Variants in NOX4 observed in about 807,000 individuals in gnomAD.
NOX4 encodes NADPH oxidase 4, also known as kidney oxidase-1.
NOX4 carries 69 observed loss-of-function variants against 87.6 expected under a neutral mutation model. That is an observed-to-expected ratio of 0.79 (90% CI 0.65 to 0.96). The LOEUF is 0.96. Among genes scored for constraint, NOX4 ranks in the 40% least tolerant of loss-of-function variants. The pLI is 0.00. For missense variants in NOX4, 680 were observed against 681.5 expected, an observed-to-expected ratio of 1.00 and a Z score of 0.02; for synonymous variants, 275 against 238.2, an observed-to-expected ratio of 1.15 and a Z score of -1.42.
chr11:89,379,234 A>T (rs958409028), intron 11 of NOX4, among the ~76,000 whole-genome samples: 1 of 152,172 alleles, frequency 6.6e-6, no homozygotes, highest in Non-Finnish European at 1.5e-5. Flanking sequence ...GGAACTGACT[A>T]AACAAAACAT....
intron 13 of NOX4, among the ~76,000 whole-genome samples, chr11:89,346,950 T>C (rs1171862813): frequency 6.6e-6 from 1 of 152,214 alleles, no homozygotes; most frequent in African/African-American, 2.4e-5. Flanking sequence ...TGCGTAGTTT[T>C]GCAAACATCA....
At chr11:89,352,087 T>C (rs1312544251) in intron 13 of NOX4, among the ~76,000 whole-genome samples, 4 of 152,136 alleles carry the variant, frequency 2.6e-5, no homozygotes, top group African/African-American at 7.2e-5. Context: ...TATGGAATGA[T>C]AGACAGTGGA....
At chr11:89,459,491 T>C (rs1054477285) in intron 2 of NOX4, among the ~76,000 whole-genome samples, 1 of 151,956 alleles carries the variant, frequency 6.6e-6, no homozygotes, top group Non-Finnish European at 1.5e-5. Context: ...TGTGTAAAAA[T>C]GACAAGCATT....
chr11:89,376,625 G>T (rs1210526121), intron 11 of NOX4, among the ~76,000 whole-genome samples: 1 of 152,194 alleles, frequency 6.6e-6, no homozygotes, highest in Non-Finnish European at 1.5e-5. Context: ...GCTCACGCCT[G>T]TAATCCTAGC....
chr11:89,450,330 A>G (rs1428328553), intron 3 of NOX4, among the ~76,000 whole-genome samples: 3 of 152,218 alleles, frequency 2.0e-5, no homozygotes, highest in Non-Finnish European at 4.4e-5. Context: ...CACACATTAA[A>G]TTCATAGAAC....
intron 6 of NOX4, among the ~76,000 whole-genome samples, chr11:89,434,620 A>G (rs941085455): frequency 3.3e-5 from 5 of 152,002 alleles, no homozygotes; most frequent in Non-Finnish European, 7.4e-5. Context: ...TTTACCCAAA[A>G]GAAACAAACA....
chr11:89,366,952 G>A (rs138296297), intron 12 of NOX4, among the ~76,000 whole-genome samples: 2 of 152,176 alleles, frequency 1.3e-5, no homozygotes, highest in Non-Finnish European at 2.9e-5. Context: ...CTTCTTTCCT[G>A]AGAATGGATG....
intron 2 of NOX4, among the ~76,000 whole-genome samples, chr11:89,488,722 C>G (rs1012424421): frequency 6.6e-6 from 1 of 152,068 alleles, no homozygotes; most frequent in African/African-American, 2.4e-5. Flanking sequence ...AGAGTTTTCT[C>G]CAAGTTGTTC....
In NOX4 at chr11:89,356,433, A is replaced by AT. The variant is rs1365332163; in HGVS notation, c.1136-1391_1136-1390insA. ...GGGGAGGGGAAGAGGAAGGGGGAAA[A>AT]AAAAAGGACAAAGGAAAAAATCCTA... On this transcript the variant is annotated intron_variant, in intron 12 of 17. Transcript: ENST00000263317. Among the ~76,000 whole-genome samples the AT allele has an allele frequency of 4.4e-3, 457 of 103,992 alleles. 1 individual carries two copies. Among genetic ancestry groups the AT allele is most frequent in the Admixed American group, 7.3e-3 (88 of 12,008 alleles). The allele number at this position is 103,992 out of a possible 152,430, so 68.2% of individuals were successfully genotyped here. A position where few individuals can be genotyped will look rare whatever the true frequency, so the allele number is the denominator to read the frequency against.
intron 13 of NOX4, among the ~76,000 whole-genome samples, chr11:89,350,961 A>G (rs1415896112): frequency 1.3e-5 from 2 of 152,204 alleles, no homozygotes; most frequent in Non-Finnish European, 2.9e-5. Context: ...TCTTACTTCA[A>G]TCAAAAATTG....
chr11:89,490,103 G>C (rs1196849252), intron 2 of NOX4, among the ~76,000 whole-genome samples: 1 of 152,150 alleles, frequency 6.6e-6, no homozygotes, highest in East Asian at 1.9e-4. Context: ...TAAAAGCACT[G>C]ATAAGTATAT....
chr11:89,368,575 T>A (rs777801259), intron 12 of NOX4, among the ~76,000 whole-genome samples: 1 of 152,034 alleles, frequency 6.6e-6, no homozygotes, highest in Non-Finnish European at 1.5e-5. Context: ...AGAGAGTCAA[T>A]CAACTCCCTC....
At chr11:89,454,004 T>C (rs565602765) in intron 2 of NOX4, among the ~76,000 whole-genome samples, 52 of 152,120 alleles carry the variant, frequency 3.4e-4, no homozygotes, top group Non-Finnish European at 5.7e-4. Context: ...AAAAAGGTTA[T>C]TGTTCTTGTT....
chr11:89,394,880 A>G (rs1331280243), intron 11 of NOX4, among the ~76,000 whole-genome samples: 1 of 152,174 alleles, frequency 6.6e-6, no homozygotes, highest in Non-Finnish European at 1.5e-5. Context: ...TATGTGCCAC[A>G]TATTCTTAAT....
Position 89,364,829 on chromosome 11 carries a change from G to T in NOX4, c.1135+8603C>A, listed in dbSNP as rs1300575222. ...CCACTTTACAGCAATAATGAACTGA[G>T]AAATTAGGAAACAACTCCCTCAATT... On this transcript the variant is annotated intron_variant, in intron 12 of 17. Transcript: ENST00000263317. 2.0e-5 allele frequency among the ~76,000 whole-genome samples: 3 copies of T among 152,016 alleles called. No homozygotes were observed. The East Asian group carries it at 5.8e-4, about 29-fold the overall frequency.
rs533730775 is a variant in NOX4, at chr11:89,333,696, G to T, written c.1616+2149C>A. ...GTTTTCAGCAATTTGTGTGCATGAGGTTAATCAAAATGCTACATTGTAAAT... is the reference window on the plus strand; with the variant it reads ...GTTTTCAGCAATTTGTGTGCATGAGTTTAATCAAAATGCTACATTGTAAAT... On this transcript the variant is annotated intron_variant, in intron 17 of 17. Coordinates refer to ENST00000263317, the MANE Select transcript of NOX4 (RefSeq NM_016931.5). Among the ~76,000 whole-genome samples the T allele has an allele frequency of 7.9e-5, 12 of 151,810 alleles. No homozygotes were observed. The South Asian group carries it at 2.5e-3, about 31-fold the overall frequency.
chr11:89,428,111 A>T (rs185692897), intron 7 of NOX4, among the ~76,000 whole-genome samples: 1 of 152,250 alleles, frequency 6.6e-6, no homozygotes, highest in East Asian at 1.9e-4. Context: ...TTCATATCCA[A>T]CCAAACTAAG....
At chr11:89,492,655 A>T (rs887068845), upstream of NOX4, among the ~76,000 whole-genome samples, 1 of 152,246 alleles carries the variant, frequency 6.6e-6, no homozygotes, top group East Asian at 1.9e-4. Flanking sequence ...AATCTTTCTG[A>T]AGTTAGAGAG....
the NOX4 span, among the ~76,000 whole-genome samples, chr11:89,549,171 A>AT: frequency 6.6e-6 from 1 of 152,250 alleles, no homozygotes; most frequent in South Asian, 2.1e-4. Flanking sequence ...CTTTCACTAG[A>AT]TTTTTTAGAT....
Sources: gnomAD v4.1 joint callset for allele counts (sites outside exome capture counted in the v4.1 genomes callset) on GRCh38, gnomAD v4.1.1 for gene constraint, MANE v1.5 for transcripts, NCBI Gene and HGNC (gene_info 2026-07-23, HGNC 2026-07-21) for gene names.